STAU2: variants seen among roughly 807,000 people sequenced by gnomAD.
STAU2 encodes double-stranded RNA-binding protein Staufen homolog 2.
A neutral mutation model predicts 65.9 loss-of-function variants in STAU2; 20 were observed. That is an observed-to-expected ratio of 0.30 (90% confidence interval 0.21 to 0.44). The LOEUF is 0.44. Ranked by LOEUF, STAU2 falls within the 20% of genes least tolerant of loss-of-function variation. The pLI is 1.00. For synonymous variants in STAU2, 232 were observed against 233.9 expected (o/e 0.99, Z 0.07); for missense variants, 558 against 683.9 (o/e 0.82, Z 2.05).
In STAU2 at chr8:73,564,926, G is replaced by A. The variant is rs115586015; in HGVS notation, c.1223-12607C>T. Among the ~76,000 whole-genome samples the A allele has an allele frequency of 5.7e-3, 873 of 152,184 alleles. 4 individuals carry two copies. Among genetic ancestry groups the A allele is most frequent in the African/African-American group, 0.017 (693 of 41,518 alleles). On this transcript the variant is annotated intron_variant, in intron 12 of 14. Coordinates refer to ENST00000524300, the MANE Select transcript of STAU2 (RefSeq NM_001164380.2). ...ATGGGTGTCGTGTGTGTGTGTGTGC[G>A]CACACGCGTGTGCACATGTGTCCTG...
At chr8:73,433,616 TCAGCCTCCC>T (rs1379540613) in intron 13 of STAU2, among the ~76,000 whole-genome samples, 129 of 151,148 alleles carry the variant, frequency 8.5e-4, no homozygotes, top group African/African-American at 3.0e-3. Context: ...TTCTTGTGCC[TCAGCCTCCC>T]GAGTAGCTGG....
At chr8:73,651,505 AC>A in intron 6 of STAU2, 1 of 728,240 alleles carries the variant, frequency 1.4e-6, no homozygotes, top group Non-Finnish European at 2.5e-6. Context: ...CACTGCACGC[AC>A]CCCTGGCTTT....
At chr8:73,527,580 A>G in intron 13 of STAU2, 1 of 671,282 alleles carries the variant, frequency 1.5e-6, no homozygotes, top group Non-Finnish European at 2.5e-6. Flanking sequence ...GTGCTAGCAG[A>G]TAATGTATTA....
At chr8:73,693,056 G>A (rs185994343) in intron 4 of STAU2, among the ~76,000 whole-genome samples, 43 of 152,182 alleles carry the variant, frequency 2.8e-4, no homozygotes, top group Admixed American at 7.2e-4. Context: ...AGCTACTGAG[G>A]AAGCTGAAGC....
At chr8:73,553,398 C>T (rs1344512470) in intron 12 of STAU2, among the ~76,000 whole-genome samples, 1 of 152,080 alleles carries the variant, frequency 6.6e-6, no homozygotes, top group Non-Finnish European at 1.5e-5. Flanking sequence ...AAAATGTGTT[C>T]TATAACATGG....
intron 13 of STAU2, among the ~76,000 whole-genome samples, chr8:73,496,712 C>T (rs1037818819): frequency 2.6e-5 from 4 of 151,650 alleles, no homozygotes; most frequent in Non-Finnish European, 5.9e-5. Context: ...CAATATATTA[C>T]CATTTCAACA....
At chr8:73,585,889 G>A (rs539185684) in intron 11 of STAU2, among the ~76,000 whole-genome samples, 4 of 152,192 alleles carry the variant, frequency 2.6e-5, no homozygotes, top group Non-Finnish European at 5.9e-5. Flanking sequence ...TCTTGATGGT[G>A]AATGAGTCTG....
chr8:73,455,119 C>T lies in STAU2; in HGVS notation c.1531-32417G>A, dbSNP rs139276842. On this transcript the variant is annotated intron_variant, in intron 13 of 14. Coordinates refer to ENST00000524300, the MANE Select transcript of STAU2 (RefSeq NM_001164380.2). ...ATGTGCAACCCTACCAAAAACATGC[C>T]TTGGTGCAGGCAGAAGGGCCATCTG... 1.2e-4 allele frequency among the ~76,000 whole-genome samples: 19 copies of T among 152,230 alleles called. No individual in the cohort carries two copies. The East Asian group carries it at 3.3e-3, about 26-fold the overall frequency.
chr8:73,736,543 AG>A (rs2130770988), intron 3 of STAU2, among the ~76,000 whole-genome samples: 1 of 152,334 alleles, frequency 6.6e-6, no homozygotes, highest in Admixed American at 6.5e-5. Flanking sequence ...AGCCAAACCC[AG>A]GGGTGGGGAA....
At chr8:73,559,443 C>T (rs907138713) in intron 12 of STAU2, among the ~76,000 whole-genome samples, 13 of 152,340 alleles carry the variant, frequency 8.5e-5, no homozygotes, top group East Asian at 1.9e-4. Flanking sequence ...ACTTTGCTCA[C>T]GGCCTTTGCC....
chr8:73,734,229 G>GTTTTTTTTTTTTTT (rs1408519518), intron 3 of STAU2, among the ~76,000 whole-genome samples: 1 of 91,368 alleles, frequency 1.1e-5, no homozygotes, highest in Admixed American at 1.1e-4. Flanking sequence ...GTTTTTCAGG[G>GTTTTTTTTTTTTTT]TTTGTTTTTT....
intron 12 of STAU2, among the ~76,000 whole-genome samples, chr8:73,573,760 G>GGA (rs761922581): frequency 2.0e-5 from 3 of 152,068 alleles, no homozygotes; most frequent in Non-Finnish European, 2.9e-5. Context: ...AATTCAAGAT[G>GGA]GATTAAACAC....
At chr8:73,733,299 A>G (rs896546280) in intron 3 of STAU2, among the ~76,000 whole-genome samples, 5 of 152,148 alleles carry the variant, frequency 3.3e-5, no homozygotes, top group African/African-American at 7.2e-5. Flanking sequence ...GACTTTTCCA[A>G]TTCCTTAGGA....
intron 3 of STAU2, among the ~76,000 whole-genome samples, chr8:73,730,892 A>G (rs1806018666): frequency 6.6e-6 from 1 of 152,174 alleles, no homozygotes; most frequent in Non-Finnish European, 1.5e-5. Context: ...CTAACGTCAA[A>G]GCAAGCATTT....
chr8:73,628,497 ATTAT>A (rs1813853877), intron 6 of STAU2, among the ~76,000 whole-genome samples: 1 of 152,186 alleles, frequency 6.6e-6, no homozygotes, highest in Admixed American at 6.5e-5. Flanking sequence ...GAATATTCCT[ATTAT>A]TTAATTCCAG....
At chr8:73,686,697 T>C (rs1818853893) in intron 5 of STAU2, among the ~76,000 whole-genome samples, 1 of 151,156 alleles carries the variant, frequency 6.6e-6, no homozygotes, top group Non-Finnish European at 1.5e-5. Flanking sequence ...AATTTATCAA[T>C]GTAACCGAAT....
chr8:73,498,634 G>T (rs2383917), intron 13 of STAU2, among the ~76,000 whole-genome samples: 4 of 150,842 alleles, frequency 2.7e-5, no homozygotes, highest in Admixed American at 2.0e-4. Context: ...GACATAAAAA[G>T]AAAATCATAA....
intron 3 of STAU2, among the ~76,000 whole-genome samples, chr8:73,722,640 C>T (rs1017039941): frequency 2.0e-5 from 3 of 152,126 alleles, no homozygotes; most frequent in African/African-American, 7.2e-5. Flanking sequence ...TATCTTTCTT[C>T]CTCTACACAC....
intron 12 of STAU2, among the ~76,000 whole-genome samples, chr8:73,564,776 C>G (rs1808479895): frequency 6.6e-6 from 1 of 152,194 alleles, no homozygotes; most frequent in African/African-American, 2.4e-5. Flanking sequence ...ACCTGGGCCA[C>G]TGTCTTATGT....
Sources: allele counts gnomAD v4.1 joint callset (sites outside exome capture counted in the v4.1 genomes callset), GRCh38; gene constraint gnomAD v4.1.1; transcripts MANE v1.5; gene names NCBI Gene and HGNC (gene_info 2026-07-23, HGNC 2026-07-21).